The following CCDC171 variants were observed in gnomAD, a reference collection of about 807,000 sequenced individuals.
CCDC171 encodes coiled-coil domain-containing protein 171.
A neutral mutation model predicts 168.2 loss-of-function variants in CCDC171; 177 were observed. The observed-to-expected ratio is 1.05, with a 90% CI of 0.93 to 1.19. The LOEUF is 1.19. CCDC171 is among the 50% of genes most tolerant of loss of function. The pLI is 0.00. For synonymous variants in CCDC171, 687 were observed against 540.8 expected (o/e 1.27, Z -3.75); for missense variants, 1,991 against 1,539.0 (o/e 1.29, Z -4.91).
At chr9:15,565,819 T>A (rs760940141) in intron 2 of CCDC171, among the ~76,000 whole-genome samples, 2 of 152,240 alleles carry the variant, frequency 1.3e-5, no homozygotes, top group Non-Finnish European at 2.9e-5. Flanking sequence ...GCTGTGCATG[T>A]TTGCATATGT....
Position 15,973,112 on chromosome 9 carries a change from T to C in CCDC171, c.*1276T>C, listed in dbSNP as rs1178228373. On this transcript the variant is annotated 3_prime_UTR_variant, in exon 26 of 26. Coordinates refer to ENST00000380701, the MANE Select transcript of CCDC171 (RefSeq NM_173550.4). The stretch of plus-strand genomic sequence containing the variant: ...GGTTAAATCCTTGCAGTTTGCATCA[T>C]GGTAAGTGAAGAACAAAAGAATATT... 2 of 152,244 alleles carry C rather than the reference T, an allele frequency of 1.3e-5. No homozygotes were observed. The highest frequency in any genetic ancestry group is 1.9e-4 in the East Asian group (1 of 5,202). The allele number at this position is 152,244 out of a possible 1,614,324, so 9.4% of individuals were successfully genotyped here.
intron 3 of CCDC171, among the ~76,000 whole-genome samples, chr9:15,994,799 G>C (rs996334091): frequency 6.6e-6 from 1 of 152,200 alleles, no homozygotes; most frequent in Non-Finnish European, 1.5e-5. Context: ...ATCAGTCAAT[G>C]AATGAACAAC....
At chr9:15,736,828 G>A (rs771787549) in intron 16 of CCDC171, among the ~76,000 whole-genome samples, 4 of 151,946 alleles carry the variant, frequency 2.6e-5, no homozygotes, top group Non-Finnish European at 5.9e-5. Flanking sequence ...GGCATGCACC[G>A]CCACACCTGG....
At chr9:15,609,741 G>T (rs1320364901) in intron 6 of CCDC171, among the ~76,000 whole-genome samples, 1 of 152,108 alleles carries the variant, frequency 6.6e-6, no homozygotes, top group Non-Finnish European at 1.5e-5. Context: ...TTTAGAATAA[G>T]TCTTGATATC....
At chr9:15,648,469 T>C (rs1336382725) in intron 7 of CCDC171, among the ~76,000 whole-genome samples, 3 of 152,134 alleles carry the variant, frequency 2.0e-5, no homozygotes, top group South Asian at 2.1e-4. Flanking sequence ...TCCCTGTTTG[T>C]AGATGACATG....
At chr9:16,084,361 T>C in the CCDC171 span, among the ~76,000 whole-genome samples, 3 of 152,190 alleles carry the variant, frequency 2.0e-5, no homozygotes, top group Non-Finnish European at 2.9e-5. Flanking sequence ...TGTAACTTGC[T>C]ACCTTTCTTG....
chr9:16,040,019 C>G (rs961699955), upstream of CCDC171, among the ~76,000 whole-genome samples: 1 of 152,182 alleles, frequency 6.6e-6, no homozygotes, highest in South Asian at 2.1e-4. Context: ...TGGAACCTTT[C>G]AGAATCTCAG....
At chr9:15,704,650 C>G (rs1258640204) in intron 11 of CCDC171, among the ~76,000 whole-genome samples, 1 of 152,096 alleles carries the variant, frequency 6.6e-6, no homozygotes, top group Non-Finnish European at 1.5e-5. Flanking sequence ...CAGAAATTCT[C>G]AGATTTTCAA....
intron 7 of CCDC171, among the ~76,000 whole-genome samples, chr9:15,640,880 CT>C (rs1456720092): frequency 6.6e-6 from 1 of 152,088 alleles, no homozygotes; most frequent in Non-Finnish European, 1.5e-5. Flanking sequence ...TTGAGACCTT[CT>C]GTTTAAGGGC....
rs186902538 is a variant in CCDC171 at position 15,997,659 on chromosome 9, T to C, written n.369-22930T>C. On this transcript the variant is annotated intron_variant and non_coding_transcript_variant, in intron 3 of 9. Transcript: ENST00000486641. ...AAATGATACTCACTCTTCTCCACTA[T>C]CCATTTAAAATTCCCTTGCCCTCAG... 2.8e-3 allele frequency among the ~76,000 whole-genome samples: 421 copies of C among 152,234 alleles called. 2 individuals are homozygous for C. The highest frequency in any genetic ancestry group is 9.9e-3 in the African/African-American group (411 of 41,540).
intron 25 of CCDC171, among the ~76,000 whole-genome samples, chr9:15,934,482 C>T (rs529930992): frequency 5.3e-5 from 8 of 151,272 alleles, no homozygotes; most frequent in Non-Finnish European, 8.9e-5. Context: ...TTTACACCCA[C>T]TAGGATGGTC....
rs1283633405 is a variant in CCDC171, at chr9:15,819,482, G to A, written c.3268-27220G>A. 3.5e-4 allele frequency among the ~76,000 whole-genome samples: 41 copies of A among 116,938 alleles called. 14 individuals carry two copies. The highest frequency in any genetic ancestry group is 1.0e-3 in the African/African-American group (31 of 30,994). 76.7% of individuals were successfully genotyped at this position (116,938 alleles called of 152,430 possible). ...GAGACACCCATAGACTCAAAATAAA[G>A]GGATGGAGGAAGATCTACCAAGCAA... On this transcript the variant is annotated intron_variant, in intron 21 of 25. Coordinates refer to ENST00000380701, the MANE Select transcript of CCDC171 (RefSeq NM_173550.4).
chr9:15,923,207 G>A (rs962329966), intron 25 of CCDC171, among the ~76,000 whole-genome samples: 1 of 151,354 alleles, frequency 6.6e-6, no homozygotes, highest in Non-Finnish European at 1.5e-5. Context: ...GCGCTCCTAT[G>A]TTTATCACAG....
At chr9:15,693,958 T>C (rs2051018578) in intron 10 of CCDC171, among the ~76,000 whole-genome samples, 1 of 152,160 alleles carries the variant, frequency 6.6e-6, no homozygotes, top group South Asian at 2.1e-4. Flanking sequence ...TTCTTTAACC[T>C]ATTCCAGTCT....
intron 1 of CCDC171, among the ~76,000 whole-genome samples, chr9:15,555,528 T>C (rs1303785398): frequency 1.3e-5 from 2 of 152,134 alleles, no homozygotes; most frequent in African/African-American, 2.4e-5. Flanking sequence ...AAGTGAGGTC[T>C]TACATGCTTC....
intron 11 of CCDC171, among the ~76,000 whole-genome samples, chr9:15,719,811 G>A (rs1479588874): frequency 1.3e-5 from 2 of 152,034 alleles, no homozygotes; most frequent in African/African-American, 4.8e-5. Flanking sequence ...TTTCCCGAGT[G>A]TCCTTGAATG....
intron 11 of CCDC171, among the ~76,000 whole-genome samples, chr9:15,712,475 C>G (rs147059789): frequency 6.6e-6 from 1 of 152,180 alleles, no homozygotes; most frequent in African/African-American, 2.4e-5. Context: ...AATCTTATTT[C>G]CACACTTCAT....
At chr9:15,708,689 G>T (rs1332778789) in intron 11 of CCDC171, among the ~76,000 whole-genome samples, 2 of 151,972 alleles carry the variant, frequency 1.3e-5, no homozygotes, top group Non-Finnish European at 2.9e-5. Context: ...AAAAAACATT[G>T]GTAGCAGTTC....
In CCDC171 at chr9:15,778,364, C is replaced by T. The variant is rs1403147109; in HGVS notation, c.2898+538C>T. ...AAAAAAAAAAAAATCACTGGCCAGG[C>T]GCGGTGGCTGATGCCTGTAATCCCA... On this transcript the variant is annotated intron_variant, in intron 19 of 25. Coordinates refer to ENST00000380701, the MANE Select transcript of CCDC171 (RefSeq NM_173550.4). 1.2e-4 allele frequency among the ~76,000 whole-genome samples: 16 copies of T among 129,648 alleles called. No homozygotes were observed. In the South Asian group the frequency reaches 3.3e-3, roughly 27 times the overall value. The allele number at this position is 129,648 out of a possible 152,430, so 85.1% of individuals were successfully genotyped here. A position where few individuals can be genotyped will look rare whatever the true frequency, so the allele number is the denominator to read the frequency against.
Sources: allele counts gnomAD v4.1 joint callset (sites outside exome capture counted in the v4.1 genomes callset), GRCh38; gene constraint gnomAD v4.1.1; transcripts MANE v1.5; gene names NCBI Gene and HGNC (gene_info 2026-07-23, HGNC 2026-07-21).